The following NUDT21 variants were observed in gnomAD, a reference collection of about 807,000 sequenced individuals.
NUDT21 encodes nudix hydrolase 21, also known as cleavage and polyadenylation specificity factor subunit 5.
In NUDT21, 5 loss-of-function variants were observed where a neutral mutation model predicts 29.8. That is an observed-to-expected ratio of 0.17 (90% confidence interval 0.09 to 0.35). The LOEUF is 0.35. NUDT21 is among the 10% of genes least tolerant of loss of function. The probability of loss-of-function intolerance (pLI) is 1.00; values close to 1 mark genes in which losing one functional copy is unlikely to be tolerated. For missense variants in NUDT21, 76 were observed against 276.0 expected (o/e 0.28, Z 5.13); for synonymous variants, 113 against 98.5 (o/e 1.15, Z -0.87).
chr16:56,434,278 T>C (rs940281390), intron 6 of NUDT21, 53 bp downstream of exon 6: 4 of 1,181,586 alleles, frequency 3.4e-6, no homozygotes, highest in Non-Finnish European at 5.1e-6. Context: ...CTCAGAATAT[T>C]TTAAATTTGA....
chr16:56,442,589 C>T (rs1279676804), intron 3 of NUDT21, among the ~76,000 whole-genome samples: 1 of 152,208 alleles, frequency 6.6e-6, no homozygotes. Flanking sequence ...TTTGTAGGAT[C>T]TAAAACGTCA....
chr16:56,431,433 A>G lies in NUDT21; in HGVS notation c.*1279T>C, dbSNP rs1962032441. The G allele has an allele frequency of 6.6e-6, 1 of 152,232 alleles. No individual in the cohort carries two copies. Among genetic ancestry groups the G allele is most frequent in the South Asian group, 2.1e-4 (1 of 4,834 alleles). 9.4% of individuals were successfully genotyped at this position (152,232 alleles called of 1,614,324 possible). A position where few individuals can be genotyped will look rare whatever the true frequency, so the allele number is the denominator to read the frequency against. On this transcript the variant is annotated 3_prime_UTR_variant, in exon 7 of 7. Transcript: ENST00000300291. ...AAACTTGAGTGTTTATTAATTGCTCAGCTACACTTGGCCTGATTTCCTCAA... is the reference window on the plus strand; with the variant it reads ...AAACTTGAGTGTTTATTAATTGCTCGGCTACACTTGGCCTGATTTCCTCAA...
At position 56,429,737 on chromosome 16, in the gene NUDT21, T is replaced by C. The variant is rs1962011996; in HGVS notation, c.*2975A>G. On this transcript the variant is annotated 3_prime_UTR_variant, in exon 7 of 7. Transcript: ENST00000300291. ...ACAGTCAACAACCACTAAGCCTTCT[T>C]TGGCAATGAAACATACAAAATTGCA... 6.6e-6 allele frequency: 1 copy of C among 152,182 alleles called. No homozygotes were observed. The highest frequency in any genetic ancestry group is 2.1e-4 in the South Asian group (1 of 4,830). The allele number at this position is 152,182 out of a possible 1,614,324, so 9.4% of individuals were successfully genotyped here.
At chr16:56,446,279 A>G (rs2143944185) in intron 3 of NUDT21, among the ~76,000 whole-genome samples, 1 of 152,348 alleles carries the variant, frequency 6.6e-6, no homozygotes, top group South Asian at 2.1e-4. Flanking sequence ...ACAACACACT[A>G]GCTATATAAC....
intron 4 of NUDT21, among the ~76,000 whole-genome samples, chr16:56,436,121 AG>A (rs1314246400): frequency 6.6e-6 from 1 of 151,682 alleles, no homozygotes. Context: ...ACAAAAAAAA[AG>A]TCTAAGGGTT....
Position 56,451,183 on chromosome 16 carries a change from T to C in NUDT21, c.20A>G (p.Asn7Ser), listed in dbSNP as rs1457214228. Residue 7 changes from asparagine (N) to serine (S), a missense_variant, in exon 1 of 7, where the codon AAT becomes AGT. Around this residue, in one of 5 missense-constraint regions of NUDT21, gnomAD observed 3 missense variants for 23.9 expected, o/e 0.13. Coordinates refer to ENST00000300291, the MANE Select transcript of NUDT21 (RefSeq NM_007006.3). MSVVPP[N>S]RSQTGWPRGV... ...CCGGGGCCAGCCGGTCTGCGAGCGA[T>C]TGGGCGGTACCACAGACATGCTGGC... The C allele has an allele frequency of 1.9e-6, 3 of 1,611,446 alleles. No individual in the cohort carries two copies. Among genetic ancestry groups the C allele is most frequent in the Non-Finnish European group, 2.5e-6 (3 of 1,178,810 alleles).
At chr16:56,433,930 C>T (rs1296734482) in intron 6 of NUDT21, among the ~76,000 whole-genome samples, 1 of 152,132 alleles carries the variant, frequency 6.6e-6, no homozygotes, top group East Asian at 1.9e-4. Flanking sequence ...GGTGATACAC[C>T]CCCGCCTCAG....
In NUDT21 at chr16:56,431,027, C is replaced by A. The variant is rs1962028290; in HGVS notation, c.*1685G>T. Reference sequence around the variant, plus strand: ...AAACACACAACAAAAGTCTACCTCTCTCCACCCTCCACAAATTGCAAAAGT... The same window carrying A: ...AAACACACAACAAAAGTCTACCTCTATCCACCCTCCACAAATTGCAAAAGT... On this transcript the variant is annotated 3_prime_UTR_variant, in exon 7 of 7. Transcript: ENST00000300291. The A allele has an allele frequency of 6.6e-6, 1 of 152,244 alleles. No individual in the cohort carries two copies. Among genetic ancestry groups the A allele is most frequent in the Non-Finnish European group, 1.5e-5 (1 of 68,042 alleles). The allele number at this position is 152,244 out of a possible 1,614,324, so 9.4% of individuals were successfully genotyped here.
intron 4 of NUDT21, among the ~76,000 whole-genome samples, chr16:56,438,186 G>GT (rs1211502535): frequency 1.3e-5 from 2 of 152,184 alleles, no homozygotes; most frequent in Non-Finnish European, 2.9e-5. Context: ...CACAGCAGAA[G>GT]TGATGGTATG....
At chr16:56,433,695 T>G (rs372963709) in intron 6 of NUDT21, among the ~76,000 whole-genome samples, 73 of 152,282 alleles carry the variant, frequency 4.8e-4, no homozygotes, top group African/African-American at 1.6e-3. Context: ...CCACCTTTTT[T>G]TTCTTTTTTT....
intron 3 of NUDT21, among the ~76,000 whole-genome samples, chr16:56,445,565 A>C (rs1260280844): frequency 6.6e-6 from 1 of 152,228 alleles, no homozygotes; most frequent in Non-Finnish European, 1.5e-5. Flanking sequence ...AACCTGTATA[A>C]ATATACTCCA....
intron 3 of NUDT21, among the ~76,000 whole-genome samples, chr16:56,444,620 CAA>C (rs376261802): frequency 5.4e-5 from 6 of 111,018 alleles, no homozygotes; most frequent in African/African-American, 1.6e-4. Flanking sequence ...AAAACAAAAA[CAA>C]AAAAAAAAAA....
chr16:56,444,891 G>A (rs1307564167), intron 3 of NUDT21, among the ~76,000 whole-genome samples: 5 of 152,066 alleles, frequency 3.3e-5, no homozygotes, highest in Non-Finnish European at 7.4e-5. Flanking sequence ...GATGCTCACA[G>A]GACATGCTCA....
intron 3 of NUDT21, chr16:56,446,404 A>C (rs892223630): frequency 5.1e-5 from 24 of 470,910 alleles, no homozygotes; most frequent in Admixed American, 7.9e-5. Context: ...CTTAAATGTC[A>C]GTTTTAATTT....
At chr16:56,434,632 C>A in intron 5 of NUDT21, 122 bp downstream of exon 5, 1 of 819,382 alleles carries the variant, frequency 1.2e-6, no homozygotes, top group Non-Finnish European at 2.1e-6. Context: ...GCATGGTATA[C>A]ATCTTTAGTT....
chr16:56,434,948 C>T, intron 4 of NUDT21, 119 bp from the exon 5 acceptor site: 1 of 632,452 alleles, frequency 1.6e-6, no homozygotes. Flanking sequence ...GTCCTCTTTA[C>T]CAGGACTTAT....
intron 6 of NUDT21, among the ~76,000 whole-genome samples, chr16:56,433,105 C>T (rs1226482885): frequency 1.3e-5 from 2 of 152,114 alleles, no homozygotes; most frequent in Non-Finnish European, 2.9e-5. Context: ...TGACTCTTTT[C>T]CCCCCATATG....
intron 6 of NUDT21, 99 bp from the exon 7 acceptor site, chr16:56,432,832 C>T: frequency 1.2e-6 from 1 of 838,506 alleles, no homozygotes. Context: ...CCTCCCTTAG[C>T]ATGTCTGGCA....
At chr16:56,443,217 C>G (rs191333135) in intron 3 of NUDT21, among the ~76,000 whole-genome samples, 1 of 151,334 alleles carries the variant, frequency 6.6e-6, no homozygotes, top group East Asian at 1.9e-4. Flanking sequence ...TGCTCTGTTG[C>G]CCAGGCTGGC....
Sources: gnomAD v4.1 joint callset for allele counts (sites outside exome capture counted in the v4.1 genomes callset) on GRCh38, gnomAD v4.1.1 for gene constraint, gnomAD v4.1.1 regional missense constraint, MANE v1.5 for transcripts, NCBI Gene and HGNC (gene_info 2026-07-23, HGNC 2026-07-21) for gene names.